EPS8: variants seen among roughly 807,000 people sequenced by gnomAD.
The protein encoded by EPS8 is EGFR pathway substrate 8, signaling adaptor, also known as epidermal growth factor receptor kinase substrate 8.
In EPS8, 42 loss-of-function variants were observed where a neutral mutation model predicts 103.8. That is an observed-to-expected ratio of 0.40 (90% CI 0.32 to 0.52). The LOEUF is 0.52. Ranked by LOEUF, EPS8 falls within the 20% of genes least tolerant of loss-of-function variation. EPS8 has a pLI of 0.40. For missense variants in EPS8, 969 were observed against 1,005.1 expected (o/e 0.96, Z 0.49); for synonymous variants, 344 against 344.6 (o/e 1.00, Z 0.02).
At chr12:15,640,214 G>C (rs1945204865) in intron 17 of EPS8, among the ~76,000 whole-genome samples, 1 of 152,152 alleles carries the variant, frequency 6.6e-6, no homozygotes, top group African/African-American at 2.4e-5. Context: ...TTGTAATCCA[G>C]GTGAACAGGT....
chr12:15,669,879 C>T, intron 4 of EPS8, 54 bp from the exon 5 acceptor site: 1 of 1,347,440 alleles, frequency 7.4e-7, no homozygotes, highest in Non-Finnish European at 1.0e-6. Context: ...CACATACAAC[C>T]TCTTAGTATA....
intron 18 of EPS8, among the ~76,000 whole-genome samples, chr12:15,628,355 G>T (rs1944985524): frequency 6.6e-6 from 1 of 151,998 alleles, no homozygotes; most frequent in Admixed American, 6.6e-5. Context: ...TTCCAGGAAG[G>T]ACAAAAAAAC....
intron 1 of EPS8, among the ~76,000 whole-genome samples, chr12:15,768,429 C>CAAAA (rs71042268): frequency 1.2e-4 from 3 of 24,818 alleles, no homozygotes; most frequent in African/African-American, 3.3e-4. Context: ...GACTCCATCT[C>CAAAA]AAAAAAAAAA....
intron 18 of EPS8, among the ~76,000 whole-genome samples, chr12:15,630,574 T>C (rs1476229524): frequency 6.6e-6 from 1 of 152,222 alleles, no homozygotes; most frequent in Non-Finnish European, 1.5e-5. Context: ...TATGAAAATA[T>C]GGCACTGAAG....
chr12:15,647,022 G>C, intron 15 of EPS8, 105 bp downstream of exon 15: 1 of 1,086,700 alleles, frequency 9.2e-7, no homozygotes, highest in South Asian at 2.3e-5. Flanking sequence ...TTAACAGATG[G>C]AAAGTTTAAA....
In EPS8 at chr12:15,787,209, GAGA is replaced by G; in HGVS notation, c.-22+1949_-22+1951del. On this transcript the variant is annotated intron_variant, in intron 1 of 20. Transcript: ENST00000281172. This position sits in a 1 kb window ranked among gnomAD's most constrained non-coding sequence, Gnocchi z 4.9. Reference sequence around the variant, plus strand: ...GAGGTATGTAAAAGAAGGGAGTAGAGAGAAGAATAAAAAGCAGTAGGGTAAAGG... The same window carrying G: ...GAGGTATGTAAAAGAAGGGAGTAGAGAGAATAAAAAGCAGTAGGGTAAAGG... Among the ~76,000 whole-genome samples the G allele has an allele frequency of 6.6e-6, 1 of 152,260 alleles. No homozygotes were observed. The highest frequency in any genetic ancestry group is 2.1e-4 in the South Asian group (1 of 4,824).
At chr12:15,782,688 T>G (rs2136056681) in intron 1 of EPS8, among the ~76,000 whole-genome samples, 1 of 152,172 alleles carries the variant, frequency 6.6e-6, no homozygotes, top group East Asian at 1.9e-4. Flanking sequence ...TTATCAAAAC[T>G]TACACACACA....
In EPS8 at chr12:15,713,034, G is replaced by A. The variant is rs970608903; in HGVS notation, c.-21-30062C>T. On this transcript the variant is annotated intron_variant, in intron 1 of 20. Coordinates refer to ENST00000281172, the MANE Select transcript of EPS8 (RefSeq NM_004447.6). This position sits in a 1 kb window ranked among gnomAD's most constrained non-coding sequence, Gnocchi z 4.8. ...ATTTCTGATTTGGTTTCTCTAGGGC[G>A]TTAACTAAGATTTCCTCCTCTTGTT... 5.4e-5 allele frequency: 53 copies of A among 981,182 alleles called. No individual in the cohort carries two copies. The highest frequency in any genetic ancestry group is 1.2e-4 in the Admixed American group (2 of 16,250). The allele number at this position is 981,182 out of a possible 1,614,324, so 60.8% of individuals were successfully genotyped here. A position where few individuals can be genotyped will look rare whatever the true frequency, so the allele number is the denominator to read the frequency against.
At chr12:15,654,979 A>G (rs1224647004) in intron 12 of EPS8, among the ~76,000 whole-genome samples, 2 of 151,990 alleles carry the variant, frequency 1.3e-5, no homozygotes, top group Non-Finnish European at 2.9e-5. Flanking sequence ...CTTATGAGCT[A>G]TTTTCTGGCT....
rs952538500 is a variant in EPS8, at chr12:15,745,655, C to A, written c.-22+43506G>T. On this transcript the variant is annotated intron_variant, in intron 1 of 20. Coordinates refer to ENST00000281172, the MANE Select transcript of EPS8 (RefSeq NM_004447.6). The surrounding 1 kb of genome is among the most constrained non-coding windows in gnomAD (Gnocchi z 4.6). ...CATTGCTAGCAAAATATAGACCTCC[C>A]ATTGTTCACTTTCAAATCCTTGGAA... 2.0e-5 allele frequency among the ~76,000 whole-genome samples: 3 copies of A among 152,068 alleles called. No homozygotes were observed. Among genetic ancestry groups the A allele is most frequent in the Non-Finnish European group, 2.9e-5 (2 of 68,008 alleles).
intron 17 of EPS8, among the ~76,000 whole-genome samples, chr12:15,636,726 G>A (rs1161732883): frequency 6.6e-6 from 1 of 152,072 alleles, no homozygotes; most frequent in Non-Finnish European, 1.5e-5. Flanking sequence ...GATGTTGCAT[G>A]GAAATAGTTT....
In EPS8 at chr12:15,764,854, TAAA is replaced by T. The variant is rs755023490; in HGVS notation, c.-22+24304_-22+24306del. On this transcript the variant is annotated intron_variant, in intron 1 of 20. Transcript: ENST00000281172. This position sits in a 1 kb window ranked among gnomAD's most constrained non-coding sequence, Gnocchi z 4.1. ...TGAAGATCTAATACAAGTAATTCAA[TAAA>T]AAAACAAGTAGTATCTACAACCATT... 6.6e-6 allele frequency among the ~76,000 whole-genome samples: 1 copy of T among 152,030 alleles called. No homozygotes were observed. The highest frequency in any genetic ancestry group is 1.5e-5 in the Non-Finnish European group (1 of 68,000).
At chr12:15,621,691 T>C (rs1372807250) in intron 20 of EPS8, among the ~76,000 whole-genome samples, 1 of 152,206 alleles carries the variant, frequency 6.6e-6, no homozygotes, top group African/African-American at 2.4e-5. Context: ...CAATAATGTA[T>C]GTATAGTACT....
intron 1 of EPS8, among the ~76,000 whole-genome samples, chr12:15,754,983 C>T (rs1009830328): frequency 2.0e-4 from 31 of 152,168 alleles, no homozygotes; most frequent in African/African-American, 7.5e-4. Context: ...CTAAACCTTG[C>T]GACTGCAAAT....
At chr12:15,676,386 TAAC>T (rs1945908482) in intron 3 of EPS8, among the ~76,000 whole-genome samples, 1 of 151,306 alleles carries the variant, frequency 6.6e-6, no homozygotes, top group Non-Finnish European at 1.5e-5. Flanking sequence ...TCACGTGTTA[TAAC>T]AACATGGAAA....
intron 8 of EPS8, among the ~76,000 whole-genome samples, chr12:15,663,245 G>A (rs1945638738): frequency 6.6e-6 from 1 of 152,220 alleles, no homozygotes; most frequent in African/African-American, 2.4e-5. Context: ...GGCACAGTGA[G>A]GGGGAGATAT....
chr12:15,703,016 G>A (rs1023348150), intron 1 of EPS8, among the ~76,000 whole-genome samples: 1 of 152,178 alleles, frequency 6.6e-6, no homozygotes, highest in Admixed American at 6.5e-5. Context: ...GGGTGCAGTG[G>A]CGTGTGCCTG....
chr12:15,668,188 T>C (rs1388389203), intron 6 of EPS8, among the ~76,000 whole-genome samples: 1 of 152,164 alleles, frequency 6.6e-6, no homozygotes, highest in Non-Finnish European at 1.5e-5. Context: ...CTGATGAATA[T>C]CACTTACACA....
At chr12:15,705,783 A>G (rs1946377939) in intron 1 of EPS8, among the ~76,000 whole-genome samples, 1 of 152,192 alleles carries the variant, frequency 6.6e-6, no homozygotes, top group Non-Finnish European at 1.5e-5. Flanking sequence ...CTCACTGTTC[A>G]AAACTTCCAA....
Sources: allele counts gnomAD v4.1 joint callset (sites outside exome capture counted in the v4.1 genomes callset), GRCh38; gene constraint gnomAD v4.1.1; non-coding constraint Gnocchi (gnomAD v3.1); transcripts MANE v1.5; gene names NCBI Gene and HGNC (gene_info 2026-07-23, HGNC 2026-07-21).